Variants in MSH3 observed in about 807,000 individuals in gnomAD.
MSH3 encodes mutS homolog 3.
A neutral mutation model predicts 123.3 loss-of-function variants in MSH3; 106 were observed. The observed-to-expected ratio is 0.86, with a 90% CI of 0.73 to 1.01. The LOEUF (loss-of-function observed/expected upper bound fraction) is 1.01, where lower values mean the gene tolerates loss of function less well. MSH3 is among the 50% of genes least tolerant of loss of function. The pLI is 0.00. For missense variants in MSH3, 1,459 were observed against 1,347.6 expected (o/e 1.08, Z -1.29); for synonymous variants, 515 against 481.4 (o/e 1.07, Z -0.91).
Position 80,787,583 on chromosome 5 carries a change from T to C in MSH3, c.2454T>C (p.Tyr818=). 6.2e-7 allele frequency: 1 copy of C among 1,613,384 alleles called. No homozygotes were observed. The highest frequency in any genetic ancestry group is 1.1e-5 in the South Asian group (1 of 91,070). Residue 818 remains tyrosine, a synonymous_variant, in exon 18 of 24, where the codon TAT becomes TAC. Transcript: ENST00000265081. Reference sequence around the variant, plus strand: ...TCCGTAGGAAATTCAGTGAACATTATCACTCCTTGTGTAAAGCAGTGCATC... The same window carrying C: ...TCCGTAGGAAATTCAGTGAACATTACCACTCCTTGTGTAAAGCAGTGCATC... ...LDFLEKFSEH[Y]HSLCKAVHHL... is the part of the protein sequence containing the mutation.
intron 19 of MSH3, among the ~76,000 whole-genome samples, chr5:80,812,962 A>G (rs1311784521): frequency 6.6e-6 from 1 of 152,180 alleles, no homozygotes; most frequent in African/African-American, 2.4e-5. Context: ...CTGTAGTTGG[A>G]CAGTTTCCCT....
chr5:80,728,727 A>T, intron 9 of MSH3, 124 bp from the exon 10 acceptor site: 1 of 615,388 alleles, frequency 1.6e-6, no homozygotes, highest in Non-Finnish European at 2.9e-6. Context: ...TTTGGTAACC[A>T]TTAAGTTTTA....
At chr5:80,772,236 G>A (rs1293838001) in intron 15 of MSH3, among the ~76,000 whole-genome samples, 1 of 152,172 alleles carries the variant, frequency 6.6e-6, no homozygotes, top group African/African-American at 2.4e-5. Context: ...TTGACAGCAT[G>A]CAGCATATCC....
intron 19 of MSH3, among the ~76,000 whole-genome samples, chr5:80,803,356 T>C (rs1405290352): frequency 6.6e-6 from 1 of 152,032 alleles, no homozygotes; most frequent in Non-Finnish European, 1.5e-5. Flanking sequence ...CATATGCCTG[T>C]TGTTTGTATG....
intron 10 of MSH3, among the ~76,000 whole-genome samples, chr5:80,738,297 T>G (rs1301042284): frequency 6.6e-6 from 1 of 152,210 alleles, no homozygotes; most frequent in Non-Finnish European, 1.5e-5. Context: ...TAGATACTTT[T>G]TAGCAAGCAG....
In MSH3 at chr5:80,766,238, T is replaced by G. The variant is rs944350714; in HGVS notation, c.1897-1695T>G. ...GTTTTCCTTAAGGACAGTTTAAAATTCAGATACCTTGAGTCTTTTAAGTCA... is the reference window on the plus strand; with the variant it reads ...GTTTTCCTTAAGGACAGTTTAAAATGCAGATACCTTGAGTCTTTTAAGTCA... On this transcript the variant is annotated intron_variant, in intron 13 of 23. Transcript: ENST00000265081. Among the ~76,000 whole-genome samples the G allele has an allele frequency of 1.6e-4, 25 of 152,096 alleles. 1 individual carries two copies.
At chr5:80,828,947 G>A (rs1388866462) in intron 20 of MSH3, among the ~76,000 whole-genome samples, 2 of 152,224 alleles carry the variant, frequency 1.3e-5, no homozygotes, top group Non-Finnish European at 2.9e-5. Context: ...GGCTGGAGCT[G>A]AATGCTGGCA....
At chr5:80,735,147 G>C (rs1743481410) in intron 10 of MSH3, among the ~76,000 whole-genome samples, 1 of 152,134 alleles carries the variant, frequency 6.6e-6, no homozygotes, top group Non-Finnish European at 1.5e-5. Context: ...ACTTTGGGAG[G>C]GTGAGGTGGG....
chr5:80,854,086 A>C (rs770866346), intron 20 of MSH3, 44 bp from the exon 21 acceptor site: 12 of 1,495,524 alleles, frequency 8.0e-6, no homozygotes, highest in Non-Finnish European at 1.1e-5. Context: ...CTTCCTAATA[A>C]GAAAGTGAAG....
At chr5:80,834,142 C>A (rs1472742993) in intron 20 of MSH3, among the ~76,000 whole-genome samples, 1 of 152,048 alleles carries the variant, frequency 6.6e-6, no homozygotes, top group Non-Finnish European at 1.5e-5. Context: ...TACATCCGTA[C>A]CATCAGGTGC....
rs1047081388 is a variant in MSH3 at position 80,786,239 on chromosome 5, A to T, written c.2436-1326A>T. Among the ~76,000 whole-genome samples the T allele has an allele frequency of 2.0e-5, 3 of 152,262 alleles. No individual in the cohort carries two copies. The South Asian group carries it at 6.2e-4, about 32-fold the overall frequency. Reference sequence around the variant, plus strand: ...ATGCACAAAAATAAGGCAAGATGCTAGTAGGAGTCTGTAAAATTGCACTGT... The same window carrying T: ...ATGCACAAAAATAAGGCAAGATGCTTGTAGGAGTCTGTAAAATTGCACTGT... On this transcript the variant is annotated intron_variant, in intron 17 of 23. Transcript: ENST00000265081.
chr5:80,818,354 G>C (rs987371521), intron 20 of MSH3, among the ~76,000 whole-genome samples: 3 of 120,808 alleles, frequency 2.5e-5, no homozygotes, highest in Non-Finnish European at 3.3e-5. Flanking sequence ...GGAAACTATA[G>C]GACAAATGAC....
chr5:80,723,210 G>C (rs1478565347), intron 8 of MSH3, among the ~76,000 whole-genome samples: 3 of 152,142 alleles, frequency 2.0e-5, no homozygotes, highest in African/African-American at 7.2e-5. Context: ...AGGGCCAGGA[G>C]TAGCCAAGAC....
chr5:80,789,956 T>G (rs564345447), intron 18 of MSH3, among the ~76,000 whole-genome samples: 1 of 152,236 alleles, frequency 6.6e-6, no homozygotes, highest in South Asian at 2.1e-4. Context: ...TTACCTGTTA[T>G]GTTGACAAAC....
chr5:80,801,566 G>T (rs6151870), intron 19 of MSH3, among the ~76,000 whole-genome samples: 1 of 152,172 alleles, frequency 6.6e-6, no homozygotes. Flanking sequence ...TGGGGCAGGG[G>T]TGGTGGGGGC....
chr5:80,782,526 A>G (rs1351148613), intron 17 of MSH3, among the ~76,000 whole-genome samples: 1 of 152,186 alleles, frequency 6.6e-6, no homozygotes, highest in Admixed American at 6.5e-5. Context: ...GGATTTGAGC[A>G]TGTTGGATTT....
chr5:80,669,610 T>A (rs553771884), intron 3 of MSH3, among the ~76,000 whole-genome samples: 2 of 152,310 alleles, frequency 1.3e-5, no homozygotes, highest in Admixed American at 1.3e-4. Flanking sequence ...TATAAGAATT[T>A]ATAGAATGTG....
intron 8 of MSH3, among the ~76,000 whole-genome samples, chr5:80,700,360 G>A (rs1395607509): frequency 1.3e-5 from 2 of 152,126 alleles, no homozygotes; most frequent in African/African-American, 2.4e-5. Flanking sequence ...CAGTCTGGGC[G>A]ACAGAACAAA....
At chr5:80,730,276 C>T (rs780087235) in intron 10 of MSH3, among the ~76,000 whole-genome samples, 4 of 152,104 alleles carry the variant, frequency 2.6e-5, no homozygotes, top group African/African-American at 4.8e-5. Flanking sequence ...CTGAAGGCCA[C>T]GTAGTACATA....
Sources: allele counts gnomAD v4.1 joint callset (sites outside exome capture counted in the v4.1 genomes callset), GRCh38; gene constraint gnomAD v4.1.1; transcripts MANE v1.5; gene names NCBI Gene and HGNC (gene_info 2026-07-23, HGNC 2026-07-21).